The following UTRN variants were observed in gnomAD, a reference collection of about 807,000 sequenced individuals.
UTRN encodes the protein utrophin.
Under a neutral mutation model 463.9 loss-of-function variants are expected in UTRN, and 283 were observed. That is an observed-to-expected ratio of 0.61 (90% confidence interval 0.55 to 0.67). The LOEUF (loss-of-function observed/expected upper bound fraction) is 0.67. Among genes scored for constraint, UTRN ranks in the 30% least tolerant of loss-of-function variants. The pLI is 0.00. For missense variants in UTRN, 3,922 were observed against 4,084.3 expected (o/e 0.96, Z 1.08); for synonymous variants, 1,442 against 1,431.5 (o/e 1.01, Z -0.17).
chr6:144,668,833 A>G (rs1414333647), intron 51 of UTRN, among the ~76,000 whole-genome samples: 1 of 152,228 alleles, frequency 6.6e-6, no homozygotes, highest in East Asian at 1.9e-4. Flanking sequence ...TATTCAGACT[A>G]TAGCAGAGTC....
intron 9 of UTRN, 38 bp from the exon 10 acceptor site, chr6:144,435,894 TTGA>T (rs1313586870): frequency 6.2e-7 from 1 of 1,602,538 alleles, no homozygotes; most frequent in Non-Finnish European, 8.5e-7. Flanking sequence ...ACCTCTTGCT[TTGA>T]TGATTAGTGT....
chr6:144,782,933 C>T (rs911712667), intron 61 of UTRN, among the ~76,000 whole-genome samples: 13 of 152,052 alleles, frequency 8.5e-5, no homozygotes, highest in Non-Finnish European at 1.9e-4. Flanking sequence ...CGGTGGCTCC[C>T]GCCTGTAATC....
intron 48 of UTRN, among the ~76,000 whole-genome samples, chr6:144,553,894 C>T (rs1360886613): frequency 2.5e-4 from 35 of 138,294 alleles, no homozygotes; most frequent in African/African-American, 8.2e-4. Flanking sequence ...CCAGCCTGGG[C>T]GACAGAGCAA....
chr6:144,422,222 G>A (rs922305043), intron 4 of UTRN, among the ~76,000 whole-genome samples: 4 of 152,220 alleles, frequency 2.6e-5, no homozygotes, highest in African/African-American at 9.6e-5. Flanking sequence ...GACAGCCCAG[G>A]ATGAGAGAAT....
At chr6:144,373,661 T>C (rs964834294) in intron 2 of UTRN, among the ~76,000 whole-genome samples, 6 of 152,182 alleles carry the variant, frequency 3.9e-5, no homozygotes, top group African/African-American at 1.4e-4. Context: ...TCCGGATGGA[T>C]TTTATGGCGT....
intron 51 of UTRN, among the ~76,000 whole-genome samples, chr6:144,638,940 T>C (rs1554317297): frequency 6.6e-6 from 1 of 152,138 alleles, no homozygotes; most frequent in Non-Finnish European, 1.5e-5. Flanking sequence ...TAGTCAGGAA[T>C]GGCTCATGCC....
chr6:144,585,482 C>T lies in UTRN; in HGVS notation c.7479+8194C>T, dbSNP rs147171472. Among the ~76,000 whole-genome samples, 384 of 152,086 alleles carry T rather than the reference C, an allele frequency of 2.5e-3. 1 individual carries two copies. Among genetic ancestry groups the T allele is most frequent in the Non-Finnish European group, 4.0e-3 (271 of 67,950 alleles). On this transcript the variant is annotated intron_variant, in intron 51 of 74. Coordinates refer to ENST00000367545, the MANE Select transcript of UTRN (RefSeq NM_007124.3). ...AGAACTGGAAATCCAGATTAGGAAG[C>T]GGCACAATTACTATGAAATAAATAA...
chr6:144,573,890 C>A (rs115054076), intron 50 of UTRN, among the ~76,000 whole-genome samples: 1 of 152,092 alleles, frequency 6.6e-6, no homozygotes, highest in South Asian at 2.1e-4. Flanking sequence ...ACAAGATCAT[C>A]ATTCAAGGCC....
At chr6:144,627,491 A>G (rs563390958) in intron 51 of UTRN, among the ~76,000 whole-genome samples, 1 of 152,330 alleles carries the variant, frequency 6.6e-6, no homozygotes, top group Non-Finnish European at 1.5e-5. Context: ...TAACCATTTT[A>G]AGTGTACAAA....
intron 54 of UTRN, among the ~76,000 whole-genome samples, chr6:144,741,851 C>T (rs1311872409): frequency 2.0e-5 from 3 of 152,108 alleles, no homozygotes; most frequent in Non-Finnish European, 4.4e-5. Context: ...TTTACTTTGG[C>T]CACTTCACAA....
intron 2 of UTRN, among the ~76,000 whole-genome samples, chr6:144,393,501 G>T (rs527517735): frequency 1.3e-5 from 2 of 152,132 alleles, no homozygotes; most frequent in Non-Finnish European, 2.9e-5. Flanking sequence ...AAAAAGAAAC[G>T]ATGGAAAAAG....
chr6:144,551,155 AC>A, intron 48 of UTRN, 73 bp downstream of exon 48: 1 of 832,534 alleles, frequency 1.2e-6, no homozygotes, highest in South Asian at 2.0e-5. Context: ...ACACACACAC[AC>A]ACACACACAC....
intron 51 of UTRN, among the ~76,000 whole-genome samples, chr6:144,633,141 A>G (rs931418428): frequency 1.3e-5 from 2 of 152,024 alleles, no homozygotes; most frequent in Non-Finnish European, 2.9e-5. Flanking sequence ...AATTGGACAT[A>G]TATATTTATA....
At chr6:144,523,546 G>A (rs1437814714) in intron 41 of UTRN, among the ~76,000 whole-genome samples, 1 of 152,136 alleles carries the variant, frequency 6.6e-6, no homozygotes, top group African/African-American at 2.4e-5. Flanking sequence ...CGGACCTCAG[G>A]CAGTCCGCCT....
At chr6:144,600,220 T>G (rs553672130) in intron 51 of UTRN, among the ~76,000 whole-genome samples, 1 of 152,298 alleles carries the variant, frequency 6.6e-6, no homozygotes, top group South Asian at 2.1e-4. Flanking sequence ...GGCCTCCAAG[T>G]GTTTAAGTGA....
At chr6:144,714,524 G>A (rs1286494925) in intron 53 of UTRN, among the ~76,000 whole-genome samples, 1 of 152,132 alleles carries the variant, frequency 6.6e-6, no homozygotes, top group Non-Finnish European at 1.5e-5. Context: ...CTCTTACAAG[G>A]TTTCTGCACT....
intron 2 of UTRN, among the ~76,000 whole-genome samples, chr6:144,386,955 G>C (rs1228494533): frequency 6.6e-6 from 1 of 151,820 alleles, no homozygotes; most frequent in Non-Finnish European, 1.5e-5. Flanking sequence ...GCTATTTATA[G>C]TAGTAGTTGG....
chr6:144,334,393 C>T (rs1307024712), intron 2 of UTRN, among the ~76,000 whole-genome samples: 7 of 151,902 alleles, frequency 4.6e-5, no homozygotes, highest in Non-Finnish European at 8.8e-5. Flanking sequence ...CTTCCTGTTC[C>T]GTCAAGGCTA....
chr6:144,448,875 A>G (rs1787964775), intron 17 of UTRN, 106 bp downstream of exon 17: 1 of 1,270,940 alleles, frequency 7.9e-7, no homozygotes, highest in Non-Finnish European at 1.1e-6. Context: ...ATCTAGACAT[A>G]ATAAGTATTA....
Sources: allele counts gnomAD v4.1 joint callset (sites outside exome capture counted in the v4.1 genomes callset), GRCh38; gene constraint gnomAD v4.1.1; transcripts MANE v1.5; gene names NCBI Gene and HGNC (gene_info 2026-07-23, HGNC 2026-07-21).